The following CEP290 variants were observed in gnomAD, a reference collection of about 807,000 sequenced individuals.
CEP290 encodes centrosomal protein of 290 kDa.
A neutral mutation model predicts 344.9 loss-of-function variants in CEP290; 317 were observed. That is an observed-to-expected ratio of 0.92 (90% CI 0.84 to 1.01). The LOEUF is 1.01. Among genes scored for constraint, CEP290 ranks in the 50% least tolerant of loss-of-function variants. CEP290 has a pLI of 0.00. For missense variants in CEP290, 2,754 were observed against 2,761.4 expected, an observed-to-expected ratio of 1.00 and a Z score of 0.06; for synonymous variants, 932 against 895.8, an observed-to-expected ratio of 1.04 and a Z score of -0.72.
chr12:88,123,044 G>A (rs2468259), intron 13 of CEP290, among the ~76,000 whole-genome samples: 115,605 of 151,906 alleles, frequency 0.76, 49,163 homozygotes, highest in East Asian at 0.97. Flanking sequence ...CACCTACATC[G>A]ATATCTATAC....
intron 52 of CEP290, among the ~76,000 whole-genome samples, chr12:88,053,374 T>C (rs1205600294): frequency 6.6e-6 from 1 of 152,150 alleles, no homozygotes; most frequent in African/African-American, 2.4e-5. Flanking sequence ...TTAGTATTCA[T>C]TGCTTAGCAC....
intron 41 of CEP290, 49 bp from the exon 42 acceptor site, chr12:88,071,975 TTTTC>T (rs1164775502): frequency 6.8e-7 from 1 of 1,463,006 alleles, no homozygotes; most frequent in Non-Finnish European, 9.1e-7. Flanking sequence ...TTATTTTAAA[TTTTC>T]TTTATGATTT....
At chr12:88,058,314 T>C (rs1290871811) in intron 49 of CEP290, 1 of 152,856 alleles carries the variant, frequency 6.5e-6, no homozygotes, top group Non-Finnish European at 1.5e-5. Flanking sequence ...AAGCAGAAGC[T>C]AGTAAAACAT....
intron 32 of CEP290, among the ~76,000 whole-genome samples, chr12:88,087,329 A>T (rs1375068335): frequency 6.6e-6 from 1 of 152,206 alleles, no homozygotes; most frequent in African/African-American, 2.4e-5. Flanking sequence ...AATAAATATG[A>T]ATTTTTAGAA....
intron 26 of CEP290, among the ~76,000 whole-genome samples, chr12:88,099,409 T>C (rs932684381): frequency 8.5e-5 from 13 of 152,326 alleles, no homozygotes; most frequent in Non-Finnish European, 1.3e-4. Context: ...AATAGAGCTG[T>C]GAGGAAAAAG....
Position 88,131,148 on chromosome 12 carries a change from C to A in CEP290, c.495+17G>T, listed in dbSNP as rs181956234. 2.7e-6 allele frequency: 4 copies of A among 1,497,760 alleles called. No individual in the cohort carries two copies. In the East Asian group the frequency reaches 1.0e-4, roughly 39 times the overall value. The allele number at this position is 1,497,760 out of a possible 1,614,324, so 92.8% of individuals were successfully genotyped here. On this transcript the variant is annotated intron_variant, in intron 7 of 53. Transcript: ENST00000552810. The stretch of plus-strand genomic sequence containing the variant: ...AAGTACCTTTGTTGAACCACCACAA[C>A]TACTAAAATTTTTTACCTCTCTTCT...
At chr12:88,090,227 G>C (rs558590627) in intron 30 of CEP290, among the ~76,000 whole-genome samples, 2 of 152,196 alleles carry the variant, frequency 1.3e-5, no homozygotes, top group African/African-American at 4.8e-5. Flanking sequence ...TCATCTATAG[G>C]CATTTAAATG....
intron 26 of CEP290, among the ~76,000 whole-genome samples, 193 bp downstream of exon 26, chr12:88,102,642 TGTG>T (rs2037980501): frequency 2.1e-4 from 1 of 4,658 alleles, no homozygotes; most frequent in Admixed American, 7.1e-3. Context: ...GATAATATAT[TGTG>T]TGTGTGTGTG....
At chr12:88,096,342 C>T (rs11104733) in intron 27 of CEP290, among the ~76,000 whole-genome samples, 3,835 of 151,848 alleles carry the variant, frequency 0.025, 165 homozygotes, top group East Asian at 0.14. Flanking sequence ...GCCACTGCGC[C>T]GGCCATAAAA....
At chr12:88,067,433 G>A (rs73207087) in intron 44 of CEP290, among the ~76,000 whole-genome samples, 11,043 of 152,208 alleles carry the variant, frequency 0.073, 538 homozygotes, top group Non-Finnish European at 0.11. Context: ...AACCAGGGAC[G>A]CGTCCTTTCT....
At chr12:88,128,497 T>C (rs1006118781) in intron 11 of CEP290, among the ~76,000 whole-genome samples, 2 of 152,172 alleles carry the variant, frequency 1.3e-5, no homozygotes, top group South Asian at 4.1e-4. Flanking sequence ...GGAAGAAAAG[T>C]GTATTTTGAA....
intron 13 of CEP290, among the ~76,000 whole-genome samples, chr12:88,122,020 A>G (rs1157165344): frequency 6.6e-6 from 1 of 152,184 alleles, no homozygotes; most frequent in African/African-American, 2.4e-5. Context: ...TTGACAGATC[A>G]TTCTCACACT....
rs1213286417 is a variant in CEP290, at chr12:88,089,032, CT to C, written c.4028del (p.Lys1343ArgfsTer2). On this transcript the variant is annotated frameshift_variant and splice_region_variant, in exon 31 of 54. Coordinates refer to ENST00000552810, the MANE Select transcript of CEP290 (RefSeq NM_025114.4). LOFTEE classifies it high-confidence loss of function. ...AAAAAAATCAAGTTTAAATGTTTACCTTTTGGGCTCCTTTGGTATCCTTTAA... is the reference window on the plus strand; with the variant it reads ...AAAAAAATCAAGTTTAAATGTTTACCTTTGGGCTCCTTTGGTATCCTTTAA... ...STLKDTKGAQ[K>X]VINWHMKIEE... is the part of the protein sequence containing the mutation. 19 of 1,485,614 alleles carry C rather than the reference CT, an allele frequency of 1.3e-5. No individual in the cohort carries two copies. The Admixed American group carries it at 1.9e-4, about 15-fold the overall frequency. The allele number at this position is 1,485,614 out of a possible 1,614,324, so 92.0% of individuals were successfully genotyped here.
Position 88,071,805 on chromosome 12 carries a change from T to C in CEP290, c.5831A>G (p.Asn1944Ser). ...GEVFTLTKQL[N>S]TLKDLFAKAD... is the part of the protein sequence containing the mutation. ...CTTGGCAAAAAGATCCTTCAAAGTA[T>C]TCAACTGCTTTGTTAAAGTAAAGAC... The change falls in exon 42 of 54, where the codon AAT becomes AGT. Residue 1944 changes from asparagine (N) to serine (S), a missense_variant. By Grantham distance (46) the Asn-to-Ser change is conservative. Coordinates refer to ENST00000552810, the MANE Select transcript of CEP290 (RefSeq NM_025114.4). The C allele has an allele frequency of 2.5e-6, 4 of 1,600,460 alleles. No individual in the cohort carries two copies. Among genetic ancestry groups the C allele is most frequent in the Non-Finnish European group, 3.4e-6 (4 of 1,175,336 alleles).
intron 44 of CEP290, among the ~76,000 whole-genome samples, chr12:88,066,101 TAAC>T (rs1196036874): frequency 2.0e-5 from 3 of 151,668 alleles, no homozygotes; most frequent in African/African-American, 7.2e-5. Context: ...CATTTTCTCT[TAAC>T]ATAGATATTT....
chr12:88,113,899 G>A (rs1228627723), intron 20 of CEP290, among the ~76,000 whole-genome samples: 5 of 151,926 alleles, frequency 3.3e-5, no homozygotes, highest in African/African-American at 7.2e-5. Context: ...AAACTACCTA[G>A]ATGTTCTAGA....
rs2036573344 is a variant in CEP290 at position 88,086,372 on chromosome 12, C to T, written c.4302+19G>A. 6.4e-7 allele frequency: 1 copy of T among 1,556,082 alleles called. No individual in the cohort carries two copies. The highest frequency in any genetic ancestry group is 8.7e-7 in the Non-Finnish European group (1 of 1,146,230). On this transcript the variant is annotated intron_variant, in intron 33 of 53. Coordinates refer to ENST00000552810, the MANE Select transcript of CEP290 (RefSeq NM_025114.4). ...CTAGACTATGCTACAGAGTAACAAA[C>T]AAGATTAATCATTCATACCTTTTGT...
intron 6 of CEP290, 142 bp downstream of exon 6, chr12:88,136,501 A>G: frequency 1.3e-6 from 1 of 761,192 alleles, no homozygotes. Context: ...GACAAAATGA[A>G]CAGTGATATA....
intron 44 of CEP290, among the ~76,000 whole-genome samples, chr12:88,065,787 T>A (rs2034877199): frequency 6.6e-6 from 1 of 152,230 alleles, no homozygotes; most frequent in Admixed American, 6.5e-5. Flanking sequence ...GCAGTTACTA[T>A]TAGTGATTAT....
Sources: gnomAD v4.1 joint callset for allele counts (sites outside exome capture counted in the v4.1 genomes callset) on GRCh38, gnomAD v4.1.1 for gene constraint, MANE v1.5 for transcripts, NCBI Gene and HGNC (gene_info 2026-07-23, HGNC 2026-07-21) for gene names.